The following MYPOP variants were observed in gnomAD, a reference collection of about 807,000 sequenced individuals.
MYPOP encodes the protein Myb related transcription factor, partner of profilin, also known as myb-related transcription factor, partner of profilin.
A neutral mutation model predicts 25.7 loss-of-function variants in MYPOP; 21 were observed. The ratio of observed to expected loss-of-function variants is 0.82; its 90% confidence interval spans 0.58 to 1.18. The LOEUF is 1.18. Among genes scored for constraint, MYPOP ranks in the 50% most tolerant of loss-of-function variants. The probability of loss-of-function intolerance (pLI) is 0.00; values close to 1 mark genes in which losing one functional copy is unlikely to be tolerated. For missense variants in MYPOP, 566 were observed against 588.3 expected (o/e 0.96, Z 0.39); for synonymous variants, 280 against 247.9 (o/e 1.13, Z -1.22).
At position 45,899,999 on chromosome 19, in the gene MYPOP, G is replaced by C. The variant is rs1967264087; in HGVS notation, c.499+1276C>G. On this transcript the variant is annotated intron_variant, in intron 2 of 2. Coordinates refer to ENST00000322217, the MANE Select transcript of MYPOP (RefSeq NM_001012643.4). The stretch of plus-strand genomic sequence containing the variant: ...GCTCAGTGGTTAAGTGCCATGGACT[G>C]GGGGTTGGACGCACACTTATGCTTG... 2.0e-5 allele frequency among the ~76,000 whole-genome samples: 3 copies of C among 152,200 alleles called. No individual in the cohort carries two copies. In the South Asian group the frequency reaches 6.2e-4, roughly 31 times the overall value.
chr19:45,897,808 A>C (rs569630144), intron 2 of MYPOP, among the ~76,000 whole-genome samples: 1 of 151,906 alleles, frequency 6.6e-6, no homozygotes, highest in Non-Finnish European at 1.5e-5. Context: ...CTCCCACCTC[A>C]GCCTCCCAAA....
intron 2 of MYPOP, among the ~76,000 whole-genome samples, 175 bp from the exon 3 acceptor site, chr19:45,891,498 G>T (rs1162917732): frequency 6.6e-6 from 1 of 150,882 alleles, no homozygotes. Flanking sequence ...GTGCAGTGGT[G>T]CAATCTTGGC....
chr19:45,891,247 C>T lies in MYPOP; in HGVS notation c.576G>A (p.Gly192=). The change falls in exon 3 of 3, where the codon GGG becomes GGA. Residue 192 remains glycine (G), a synonymous_variant. Coordinates refer to ENST00000322217, the MANE Select transcript of MYPOP (RefSeq NM_001012643.4). ...WARPSCTPQE[G]GCPRPKERES... The stretch of plus-strand genomic sequence containing the variant: ...CACGCTCCTTGGGCCGTGGGCAGCC[C>T]CCTTCCTGGGGAGTGCAGGAGGGCC... The T allele has an allele frequency of 1.9e-6, 3 of 1,549,576 alleles. No homozygotes were observed. Among genetic ancestry groups the T allele is most frequent in the Non-Finnish European group, 2.6e-6 (3 of 1,153,578 alleles).
At chr19:45,899,148 C>G (rs997233501) in intron 2 of MYPOP, among the ~76,000 whole-genome samples, 1 of 152,152 alleles carries the variant, frequency 6.6e-6, no homozygotes, top group African/African-American at 2.4e-5. Context: ...ATTGCTTGAA[C>G]CTGGGAGGCG....
At chr19:45,900,456 C>G (rs1199578693) in intron 2 of MYPOP, among the ~76,000 whole-genome samples, 5 of 136,836 alleles carry the variant, frequency 3.7e-5, no homozygotes, top group Admixed American at 1.5e-4. Context: ...ACCACCCCCC[C>G]CCCCACCGAA....
chr19:45,895,776 C>T (rs1207781905), intron 2 of MYPOP, among the ~76,000 whole-genome samples: 2 of 152,166 alleles, frequency 1.3e-5, no homozygotes, highest in Non-Finnish European at 2.9e-5. Context: ...GCTATGGGGC[C>T]TCAGCACTTG....
chr19:45,898,952 T>C (rs1356356756), intron 2 of MYPOP, among the ~76,000 whole-genome samples: 2 of 151,866 alleles, frequency 1.3e-5, no homozygotes, highest in Non-Finnish European at 2.9e-5. Flanking sequence ...CCAGGTCGGG[T>C]GTGGTGGCTC....
chr19:45,894,873 C>A (rs1041835748), intron 2 of MYPOP, among the ~76,000 whole-genome samples: 12 of 151,770 alleles, frequency 7.9e-5, no homozygotes, highest in Non-Finnish European at 1.6e-4. Context: ...TGCACACCAC[C>A]ATGCCCAGCT....
chr19:45,900,947 G>C (rs115589958), intron 2 of MYPOP, among the ~76,000 whole-genome samples: 1 of 152,170 alleles, frequency 6.6e-6, no homozygotes, highest in Non-Finnish European at 1.5e-5. Flanking sequence ...AGATGACACA[G>C]TTCAGTGGCA....
chr19:45,891,669 C>T (rs1352498338), intron 2 of MYPOP, among the ~76,000 whole-genome samples: 3 of 152,136 alleles, frequency 2.0e-5, no homozygotes, highest in South Asian at 2.1e-4. Flanking sequence ...GACTCCTGAC[C>T]TCAGGCGATC....
At position 45,890,910 on chromosome 19, in the gene MYPOP, A is replaced by G; in HGVS notation, c.913T>C (p.Ser305Pro). ...GGTGGGGGCAGAGGTGGAGGCAGGG[A>G]GTCAACTGGGGTTCCTGGCAGAAGG... ...LPLLPGTPVD[S>P]LPPPLPPPPP... The change falls in exon 3 of 3, where the codon TCC becomes CCC. Residue 305 changes from serine (S) to proline (P), a missense_variant. Transcript: ENST00000322217. 1.4e-6 allele frequency: 2 copies of G among 1,438,828 alleles called. No individual in the cohort carries two copies. Among genetic ancestry groups the G allele is most frequent in the Non-Finnish European group, 1.8e-6 (2 of 1,097,882 alleles). The allele number at this position is 1,438,828 out of a possible 1,614,324, so 89.1% of individuals were successfully genotyped here.
intron 2 of MYPOP, among the ~76,000 whole-genome samples, chr19:45,893,979 C>T (rs184439551): frequency 0.02 from 2,990 of 150,110 alleles, 49 homozygotes; most frequent in East Asian, 0.083. Flanking sequence ...TTAGTAGAGA[C>T]GGGGTTTCAC....
intron 2 of MYPOP, among the ~76,000 whole-genome samples, chr19:45,895,410 C>G (rs1346914070): frequency 1.3e-5 from 2 of 152,146 alleles, no homozygotes; most frequent in Non-Finnish European, 2.9e-5. Flanking sequence ...CACCACCACG[C>G]TTGGCTAATT....
At position 45,901,169 on chromosome 19, in the gene MYPOP, G is replaced by A; in HGVS notation, c.499+106C>T. ...GCTTCAGTTTCCCTAGCTATAAAAT[G>A]GGGCGAAGGACAGCATCCACCTCAC... On this transcript the variant is annotated intron_variant, in intron 2 of 2. Transcript: ENST00000322217. The surrounding 1 kb of genome is among the most constrained non-coding windows in gnomAD (Gnocchi z 5.7). 2 of 1,069,782 alleles carry A rather than the reference G, an allele frequency of 1.9e-6. No homozygotes were observed. The highest frequency in any genetic ancestry group is 2.5e-6 in the Non-Finnish European group (2 of 809,588). The allele number at this position is 1,069,782 out of a possible 1,614,324, so 66.3% of individuals were successfully genotyped here.
At chr19:45,900,580 G>A (rs1339503980) in intron 2 of MYPOP, among the ~76,000 whole-genome samples, 1 of 151,282 alleles carries the variant, frequency 6.6e-6, no homozygotes, top group Admixed American at 6.6e-5. Context: ...AGTCATCCAT[G>A]TGTCCCCAAC....
chr19:45,895,498 A>C (rs1967190169), intron 2 of MYPOP, among the ~76,000 whole-genome samples: 1 of 150,092 alleles, frequency 6.7e-6, no homozygotes. Context: ...TTCTCCCCTA[A>C]CCCTACCTGA....
intron 2 of MYPOP, among the ~76,000 whole-genome samples, chr19:45,894,417 T>C (rs1323600274): frequency 6.6e-6 from 1 of 151,710 alleles, no homozygotes. Flanking sequence ...CTGGCCTTAA[T>C]TTTCATCTTT....
At chr19:45,893,434 G>A (rs1026473100) in intron 2 of MYPOP, among the ~76,000 whole-genome samples, 4 of 151,410 alleles carry the variant, frequency 2.6e-5, no homozygotes, top group African/African-American at 7.3e-5. Flanking sequence ...TGGGCATGGT[G>A]GTGCATGCCT....
In MYPOP at chr19:45,901,039, G is replaced by T. The variant is rs908609440; in HGVS notation, c.499+236C>A. Among the ~76,000 whole-genome samples, 1 of 152,180 alleles carries T rather than the reference G, an allele frequency of 6.6e-6. No individual in the cohort carries two copies. Among genetic ancestry groups the T allele is most frequent in the Non-Finnish European group, 1.5e-5 (1 of 68,026 alleles). Reference sequence around the variant, plus strand: ...TTAATGAAATCCTGCCTGTGCTGATGACCCCAGGTGTGGACCTGAGTCAGG... The same window carrying T: ...TTAATGAAATCCTGCCTGTGCTGATTACCCCAGGTGTGGACCTGAGTCAGG... On this transcript the variant is annotated intron_variant, in intron 2 of 2. Coordinates refer to ENST00000322217, the MANE Select transcript of MYPOP (RefSeq NM_001012643.4). The surrounding 1 kb of genome is among the most constrained non-coding windows in gnomAD (Gnocchi z 5.7).
Sources: gnomAD v4.1 joint callset for allele counts (sites outside exome capture counted in the v4.1 genomes callset) on GRCh38, gnomAD v4.1.1 for gene constraint, Gnocchi (gnomAD v3.1) non-coding constraint, MANE v1.5 for transcripts, NCBI Gene and HGNC (gene_info 2026-07-23, HGNC 2026-07-21) for gene names.